DOK4: variants seen among roughly 807,000 people sequenced by gnomAD.
DOK4 encodes docking protein 4, also known as downstream of tyrosine kinase 4.
DOK4 carries 26 observed loss-of-function variants against 40.1 expected under a neutral mutation model. That is an observed-to-expected ratio of 0.65 (90% confidence interval 0.48 to 0.90). The LOEUF (loss-of-function observed/expected upper bound fraction) is 0.90, where lower values mean the gene tolerates loss of function less well. Among genes scored for constraint, DOK4 ranks in the 40% least tolerant of loss-of-function variants. The probability of loss-of-function intolerance (pLI) is 0.00; values close to 1 mark genes in which losing one functional copy is unlikely to be tolerated. For missense variants in DOK4, 392 were observed against 437.2 expected (o/e 0.90, Z 0.92); for synonymous variants, 179 against 177.0 (o/e 1.01, Z -0.09).
At position 57,485,159 on chromosome 16, in the gene DOK4, C is replaced by T. The variant is rs1224976111; in HGVS notation, c.-182+1146G>A. Among the ~76,000 whole-genome samples the T allele has an allele frequency of 6.6e-6, 1 of 152,254 alleles. No homozygotes were observed. Among genetic ancestry groups the T allele is most frequent in the Non-Finnish European group, 1.5e-5 (1 of 68,042 alleles). On this transcript the variant is annotated intron_variant, in intron 1 of 8. Transcript: ENST00000340099. The surrounding 1 kb of genome is among the most constrained non-coding windows in gnomAD (Gnocchi z 4.3). ...AGCGCTGACTGGCATGGCCAGCAGGCTGTTGTTACTGGAGAACCAGCTGTG... is the reference window on the plus strand; with the variant it reads ...AGCGCTGACTGGCATGGCCAGCAGGTTGTTGTTACTGGAGAACCAGCTGTG...
chr16:57,475,742 CT>C (rs2146634515), intron 3 of DOK4, 107 bp downstream of exon 3: 1 of 765,604 alleles, frequency 1.3e-6, no homozygotes, highest in African/African-American at 1.8e-5. Context: ...CCTCCTCTCC[CT>C]CTCTCCCCCT....
chr16:57,475,517 G>A, exon 4 of DOK4: 1 of 1,606,862 alleles, frequency 6.2e-7, no homozygotes, highest in Non-Finnish European at 8.5e-7. Context: ...TGAGTCGCAG[G>A]TGAAGGTACG....
intron 2 of DOK4, chr16:57,478,761 C>T (rs551125658): frequency 6.5e-6 from 1 of 152,828 alleles, no homozygotes; most frequent in South Asian, 2.1e-4. Flanking sequence ...AGCACAGAGT[C>T]ACCCACCAAC....
rs565797753 is a variant in DOK4 at position 57,479,853 on chromosome 16, G to T, written c.-181-165C>A. 1.3e-5 allele frequency: 3 copies of T among 230,050 alleles called. No individual in the cohort carries two copies. The East Asian group carries it at 4.0e-4, about 30-fold the overall frequency. 14.3% of individuals were successfully genotyped at this position (230,050 alleles called of 1,614,324 possible). ...TTCCCTTCCCTCCCCACCCCAGGAC[G>T]ACAGAACCATTCAGGAAAACCGAGG... On this transcript the variant is annotated intron_variant, in intron 1 of 8. Coordinates refer to ENST00000340099, the Ensembl canonical transcript of DOK4. The surrounding 1 kb of genome is among the most constrained non-coding windows in gnomAD (Gnocchi z 5.8).
At chr16:57,475,777 C>T (rs1261664151) in intron 3 of DOK4, 73 bp downstream of exon 3, 1 of 1,315,658 alleles carries the variant, frequency 7.6e-7, no homozygotes, top group Non-Finnish European at 1.1e-6. Flanking sequence ...CCCTCTCTCC[C>T]CTCTCTCCCT....
intron 1 of DOK4, among the ~76,000 whole-genome samples, chr16:57,483,700 T>C (rs1410738653): frequency 6.6e-6 from 1 of 152,124 alleles, no homozygotes; most frequent in Non-Finnish European, 1.5e-5. Flanking sequence ...AGGCCAGGAA[T>C]TGGGTTGAAG....
intron 7 of DOK4, 47 bp downstream of exon 7, chr16:57,473,854 C>T: frequency 6.3e-7 from 1 of 1,576,898 alleles, no homozygotes; most frequent in South Asian, 1.1e-5. Flanking sequence ...GCCTGCCCGC[C>T]CGTTCCCCCC....
chr16:57,479,753 C>G lies in DOK4; in HGVS notation c.-181-65G>C, dbSNP rs1012746882. Reference sequence around the variant, plus strand: ...TCTTTCTCTTCCTCTCGCTGTCTCGCTCTCTTTTTTCCTTCCTCTTCCCAC... The same window carrying G: ...TCTTTCTCTTCCTCTCGCTGTCTCGGTCTCTTTTTTCCTTCCTCTTCCCAC... On this transcript the variant is annotated intron_variant, in intron 1 of 8. Transcript: ENST00000340099. This position sits in a 1 kb window ranked among gnomAD's most constrained non-coding sequence, Gnocchi z 5.8. The G allele has an allele frequency of 6.8e-6, 3 of 438,402 alleles. No homozygotes were observed. Among genetic ancestry groups the G allele is most frequent in the Admixed American group, 7.9e-5 (2 of 25,200 alleles). The allele number at this position is 438,402 out of a possible 1,614,324, so 27.2% of individuals were successfully genotyped here. A position where few individuals can be genotyped will look rare whatever the true frequency, so the allele number is the denominator to read the frequency against.
At chr16:57,480,047 C>G (rs2031359207) in intron 1 of DOK4, 1 of 152,440 alleles carries the variant, frequency 6.6e-6, no homozygotes, top group Non-Finnish European at 1.5e-5. Context: ...GGATCGTGGC[C>G]CCATCAACTG....
At chr16:57,474,752 A>T (rs770618628) in intron 6 of DOK4, 41 bp downstream of exon 6, 22 of 1,602,750 alleles carry the variant, frequency 1.4e-5, no homozygotes, top group Non-Finnish European at 1.9e-5. Flanking sequence ...AGCCACCATC[A>T]CACCATAGTA....
At chr16:57,473,363 C>A (rs560994413) in exon 9 of DOK4, 1 of 1,609,902 alleles carries the variant, frequency 6.2e-7, no homozygotes, top group South Asian at 1.1e-5. Context: ...CATCGGTGCT[C>A]GCCAGCACTG....
At chr16:57,472,603 G>C (rs2030910010) in exon 9 of DOK4, 1 of 152,642 alleles carries the variant, frequency 6.6e-6, no homozygotes, top group Admixed American at 6.5e-5. Context: ...TTCCCTCCTG[G>C]CCTATTCCTG....
intron 7 of DOK4, 63 bp from the exon 8 acceptor site, chr16:57,473,799 C>A (rs1255558744): frequency 2.5e-5 from 40 of 1,588,970 alleles, no homozygotes; most frequent in Non-Finnish European, 3.3e-5. Flanking sequence ...GCAGCCACCC[C>A]AAGACCCTAC....
rs144483557 is a variant in DOK4 at position 57,479,444 on chromosome 16, C to T, written c.64G>A (p.Gly22Arg). The T allele has an allele frequency of 1.3e-5, 21 of 1,613,478 alleles. No homozygotes were observed. The highest frequency in any genetic ancestry group is 2.7e-5 in the African/African-American group (2 of 74,932). The change falls in exon 2 of 9, where the codon GGG becomes AGG. Residue 22 changes from glycine (G) to arginine (R), a missense_variant and splice_region_variant. By Grantham distance (125) the Gly-to-Arg change is moderately radical. Coordinates refer to ENST00000340099, the Ensembl canonical transcript of DOK4. The surrounding 1 kb of genome is among the most constrained non-coding windows in gnomAD (Gnocchi z 5.8). The stretch of plus-strand genomic sequence containing the variant: ...CTCCGCAGCTCAGGGTCACTCACCC[C>T]GAGCTTCCTGCTCTTCATCTTCACG...
exon 8 of DOK4, chr16:57,473,735 A>G (rs1235075986): frequency 1.9e-6 from 3 of 1,608,970 alleles, no homozygotes; most frequent in African/African-American, 1.3e-5. Flanking sequence ...CTTGTTCAGC[A>G]GCTGTGGGGC....
At chr16:57,486,789 C>T (rs572265881), upstream of DOK4, among the ~76,000 whole-genome samples, 6 of 150,614 alleles carry the variant, frequency 4.0e-5, no homozygotes, top group East Asian at 3.9e-4. Context: ...CACACCCATA[C>T]GCCACATCAG....
intron 6 of DOK4, among the ~76,000 whole-genome samples, chr16:57,474,500 A>G (rs2031049081): frequency 1.3e-5 from 2 of 150,848 alleles, no homozygotes; most frequent in Admixed American, 6.6e-5. Context: ...CCCGAAACCC[A>G]GACTCAGATC....
chr16:57,475,199 A>G, exon 5 of DOK4: 1 of 1,613,736 alleles, frequency 6.2e-7, no homozygotes, highest in Non-Finnish European at 8.5e-7. Context: ...AGTGTCTTGT[A>G]CCACTCCTCT....
At position 57,475,833 on chromosome 16, in the gene DOK4, G is replaced by A. The variant is rs1250476484; in HGVS notation, c.174+17C>T. 1.6e-5 allele frequency: 25 copies of A among 1,605,142 alleles called. No individual in the cohort carries two copies. The highest frequency in any genetic ancestry group is 3.3e-4 in the Middle Eastern group (2 of 6,072). On this transcript the variant is annotated intron_variant, in intron 3 of 8. Coordinates refer to ENST00000340099, the Ensembl canonical transcript of DOK4. ...CAGCCCTGCCACTTGGGGGAGCTAGGGCCCAGGCCTCCTAACCTTGGGGCA... is the reference window on the plus strand; with the variant it reads ...CAGCCCTGCCACTTGGGGGAGCTAGAGCCCAGGCCTCCTAACCTTGGGGCA...
Sources: allele counts gnomAD v4.1 joint callset (sites outside exome capture counted in the v4.1 genomes callset), GRCh38; gene constraint gnomAD v4.1.1; non-coding constraint Gnocchi (gnomAD v3.1); transcripts MANE v1.5; gene names NCBI Gene and HGNC (gene_info 2026-07-23, HGNC 2026-07-21).